DOCK3: variants seen among roughly 807,000 people sequenced by gnomAD.
DOCK3 encodes the protein dedicator of cytokinesis 3.
A neutral mutation model predicts 265.6 loss-of-function variants in DOCK3; 60 were observed. The observed-to-expected ratio is 0.23, with a 90% CI of 0.18 to 0.28. DOCK3 has a LOEUF of 0.28. Among genes scored for constraint, DOCK3 ranks in the 10% least tolerant of loss-of-function variants. The pLI is 1.00. For synonymous variants in DOCK3, 881 were observed against 938.0 expected (o/e 0.94, Z 1.11); for missense variants, 1,981 against 2,594.3 (o/e 0.76, Z 5.14).
chr3:51,082,692 T>C (rs1444399247), intron 7 of DOCK3, among the ~76,000 whole-genome samples: 3 of 152,106 alleles, frequency 2.0e-5, no homozygotes, highest in African/African-American at 7.2e-5. Context: ...GGCACATAAG[T>C]GCATAGTCCA....
intron 5 of DOCK3, among the ~76,000 whole-genome samples, chr3:50,964,114 A>C (rs2076961871): frequency 6.6e-6 from 1 of 152,230 alleles, no homozygotes; most frequent in Non-Finnish European, 1.5e-5. Context: ...AATACTCAGG[A>C]AGGACTTGCT....
intron 9 of DOCK3, among the ~76,000 whole-genome samples, chr3:51,118,594 AG>A (rs1049147199): frequency 2.6e-5 from 4 of 152,164 alleles, no homozygotes; most frequent in African/African-American, 9.7e-5. Context: ...TGGGAATCTA[AG>A]TCTCTTTGTA....
At chr3:50,979,985 G>A (rs973658027) in intron 5 of DOCK3, among the ~76,000 whole-genome samples, 8 of 152,042 alleles carry the variant, frequency 5.3e-5, no homozygotes, top group Non-Finnish European at 1.2e-4. Context: ...AGGCTTTCTA[G>A]TACTGTGTTG....
At chr3:50,922,580 C>G (rs913639469) in intron 4 of DOCK3, among the ~76,000 whole-genome samples, 3 of 152,182 alleles carry the variant, frequency 2.0e-5, no homozygotes, top group Non-Finnish European at 4.4e-5. Flanking sequence ...AACCCGGTAC[C>G]TCAATTGGAA....
chr3:51,305,943 G>A (rs921895150), intron 27 of DOCK3, among the ~76,000 whole-genome samples: 3 of 143,164 alleles, frequency 2.1e-5, no homozygotes, highest in African/African-American at 7.8e-5. Flanking sequence ...AGGCTCAAGC[G>A]ATTCTCCCAC....
chr3:51,235,378 T>C (rs1348130342), intron 19 of DOCK3, among the ~76,000 whole-genome samples: 1 of 152,206 alleles, frequency 6.6e-6, no homozygotes, highest in Non-Finnish European at 1.5e-5. Flanking sequence ...GAAGAGAACA[T>C]CCTACCAGCA....
At chr3:50,773,460 T>C (rs1170592898) in intron 1 of DOCK3, among the ~76,000 whole-genome samples, 1 of 152,142 alleles carries the variant, frequency 6.6e-6, no homozygotes, top group East Asian at 1.9e-4. Context: ...TGAATACACA[T>C]GAAACACTCA....
chr3:51,357,212 T>A (rs2086423888), intron 44 of DOCK3, 71 bp downstream of exon 44: 1 of 1,534,860 alleles, frequency 6.5e-7, no homozygotes. Flanking sequence ...GCTTCTCTTT[T>A]CAAGATTATA....
At chr3:50,962,153 C>T (rs1424508380) in intron 5 of DOCK3, among the ~76,000 whole-genome samples, 1 of 152,104 alleles carries the variant, frequency 6.6e-6, no homozygotes, top group Non-Finnish European at 1.5e-5. Flanking sequence ...CCTCCCCTAG[C>T]CCCCAGACCC....
intron 12 of DOCK3, among the ~76,000 whole-genome samples, chr3:51,208,014 G>A (rs575504343): frequency 6.6e-6 from 1 of 152,262 alleles, no homozygotes; most frequent in Admixed American, 6.5e-5. Flanking sequence ...ATGGTTACGT[G>A]GTTGCAGTTC....
intron 12 of DOCK3, among the ~76,000 whole-genome samples, chr3:51,184,182 G>C (rs2087460054): frequency 6.6e-6 from 1 of 152,010 alleles, no homozygotes; most frequent in African/African-American, 2.4e-5. Flanking sequence ...AAGGTGGCAG[G>C]TGCCTGTAAT....
At chr3:50,945,414 ACT>A (rs2076401100) in intron 5 of DOCK3, among the ~76,000 whole-genome samples, 1 of 152,086 alleles carries the variant, frequency 6.6e-6, no homozygotes, top group Non-Finnish European at 1.5e-5. Context: ...GAGATTAAAC[ACT>A]CTACTAGGGC....
In DOCK3 at chr3:51,322,267, A is replaced by G. The variant is rs189622382; in HGVS notation, c.3402+7139A>G. Among the ~76,000 whole-genome samples, 558 of 152,268 alleles carry G rather than the reference A, an allele frequency of 3.7e-3. 4 individuals carry two copies. The highest frequency in any genetic ancestry group is 3.3e-3 in the Non-Finnish European group (226 of 68,024). On this transcript the variant is annotated intron_variant, in intron 32 of 52. Transcript: ENST00000266037. ...GCCCAGGCTGGAGTGCAGTGGTGCA[A>G]TCTCGGCTCACTGCAAGTTCTGCCT...
At chr3:51,143,801 C>A (rs774696713) in intron 9 of DOCK3, among the ~76,000 whole-genome samples, 3 of 152,048 alleles carry the variant, frequency 2.0e-5, no homozygotes, top group Non-Finnish European at 4.4e-5. Context: ...ATTTTCTCAC[C>A]AGTATCTTTT....
At chr3:50,770,122 A>G (rs1193475879) in intron 1 of DOCK3, among the ~76,000 whole-genome samples, 1 of 152,180 alleles carries the variant, frequency 6.6e-6, no homozygotes, top group Non-Finnish European at 1.5e-5. Context: ...GACAAGAGAA[A>G]GATATAAAGG....
At chr3:51,226,022 C>G (rs928723465) in intron 15 of DOCK3, among the ~76,000 whole-genome samples, 4 of 152,146 alleles carry the variant, frequency 2.6e-5, no homozygotes, top group Non-Finnish European at 5.9e-5. Flanking sequence ...TAGATTTATT[C>G]CCTCTAGTTC....
intron 24 of DOCK3, 101 bp from the exon 25 acceptor site, chr3:51,274,978 C>A: frequency 6.8e-7 from 1 of 1,477,842 alleles, no homozygotes; most frequent in Non-Finnish European, 9.4e-7. Context: ...AGTCTGAACC[C>A]CACCTGCTTT....
At chr3:50,804,244 C>T (rs1489430276) in intron 2 of DOCK3, among the ~76,000 whole-genome samples, 4 of 151,610 alleles carry the variant, frequency 2.6e-5, no homozygotes, top group Non-Finnish European at 5.9e-5. Flanking sequence ...AGGCGCTCCT[C>T]ACTTCCCAGA....
Position 51,069,921 on chromosome 3 carries a change from A to G in DOCK3, c.464+5325A>G, listed in dbSNP as rs553261494. ...TTCCAGCGTTAGGACACCTGAAATTAGCAGAAGTTTTCAATGATTTCACAG... is the reference window on the plus strand; with the variant it reads ...TTCCAGCGTTAGGACACCTGAAATTGGCAGAAGTTTTCAATGATTTCACAG... On this transcript the variant is annotated intron_variant, in intron 6 of 52. Transcript: ENST00000266037. 2.7e-3 allele frequency among the ~76,000 whole-genome samples: 413 copies of G among 152,348 alleles called. 1 individual carries two copies. The highest frequency in any genetic ancestry group is 3.9e-3 in the South Asian group (19 of 4,828).
Sources: allele counts gnomAD v4.1 joint callset (sites outside exome capture counted in the v4.1 genomes callset), GRCh38; gene constraint gnomAD v4.1.1; transcripts MANE v1.5; gene names NCBI Gene and HGNC (gene_info 2026-07-23, HGNC 2026-07-21).